RBMS2: variants seen among roughly 807,000 people sequenced by gnomAD.
RBMS2 encodes RNA-binding motif, single-stranded-interacting protein 2.
RBMS2 carries 38 observed loss-of-function variants against 58.4 expected under a neutral mutation model. That is an observed-to-expected ratio of 0.65 (90% CI 0.50 to 0.85). The LOEUF (loss-of-function observed/expected upper bound fraction) is 0.85, where lower values mean the gene tolerates loss of function less well. Ranked by LOEUF, RBMS2 falls within the 40% of genes least tolerant of loss-of-function variation. RBMS2 has a pLI of 0.00. For synonymous variants in RBMS2, 151 were observed against 180.7 expected, an observed-to-expected ratio of 0.84 and a Z score of 1.32; for missense variants, 367 against 503.7, an observed-to-expected ratio of 0.73 and a Z score of 2.60.
chr12:56,584,811 G>GA (rs1884461435), intron 9 of RBMS2, among the ~76,000 whole-genome samples: 1 of 149,252 alleles, frequency 6.7e-6, no homozygotes, highest in African/African-American at 2.5e-5. Flanking sequence ...AATAACTTTT[G>GA]AACTTCTTGT....
chr12:56,538,548 TCTC>T (rs1218543447), intron 1 of RBMS2, among the ~76,000 whole-genome samples: 2 of 145,528 alleles, frequency 1.4e-5, no homozygotes. Context: ...AGTGCAGTGA[TCTC>T]AGCTTACTGC....
rs539045900 is a variant in RBMS2, at chr12:56,575,084, G to A, written c.542+3229G>A. 3.9e-5 allele frequency among the ~76,000 whole-genome samples: 6 copies of A among 152,134 alleles called. No homozygotes were observed. In the South Asian group the frequency reaches 1.0e-3, roughly 26 times the overall value. ...GAATGGTGTGAACCCGGGAGGCGGAGCTTGCAGTGAGCCCAGATTGCACCA... is the reference window on the plus strand; with the variant it reads ...GAATGGTGTGAACCCGGGAGGCGGAACTTGCAGTGAGCCCAGATTGCACCA... On this transcript the variant is annotated intron_variant, in intron 5 of 13. Transcript: ENST00000262031.
At chr12:56,576,165 C>T (rs1883101385) in intron 5 of RBMS2, among the ~76,000 whole-genome samples, 1 of 151,866 alleles carries the variant, frequency 6.6e-6, no homozygotes, top group Non-Finnish European at 1.5e-5. Context: ...TGGTAAAACC[C>T]CATCTCCATT....
At position 56,562,405 on chromosome 12, in the gene RBMS2, G is replaced by T; in HGVS notation, c.67-12G>T. 6.3e-7 allele frequency: 1 copy of T among 1,593,926 alleles called. No individual in the cohort carries two copies. Among genetic ancestry groups the T allele is most frequent in the African/African-American group, 1.3e-5 (1 of 74,746 alleles). On this transcript the variant is annotated splice_polypyrimidine_tract_variant and intron_variant, in intron 1 of 13. Transcript: ENST00000262031. The stretch of plus-strand genomic sequence containing the variant: ...GATAATCCTTCTACCTCTTCCTCAT[G>T]TCTCCCTGCAGCCATATGTGTCATT...
chr12:56,577,628 C>A (rs987595190), intron 5 of RBMS2, among the ~76,000 whole-genome samples: 3 of 151,830 alleles, frequency 2.0e-5, no homozygotes, highest in African/African-American at 4.8e-5. Context: ...GCCCCCACCA[C>A]CATGCCCAGC....
At chr12:56,569,087 C>A in intron 3 of RBMS2, 54 bp downstream of exon 3, 1 of 1,473,254 alleles carries the variant, frequency 6.8e-7, no homozygotes, top group Non-Finnish European at 9.5e-7. Flanking sequence ...GAGGCCATCC[C>A]TTGACACTGC....
intron 1 of RBMS2, among the ~76,000 whole-genome samples, chr12:56,554,708 C>T (rs775687490): frequency 1.3e-5 from 2 of 151,988 alleles, no homozygotes; most frequent in Non-Finnish European, 2.9e-5. Flanking sequence ...ATAGCAAACT[C>T]GCACATGTAT....
chr12:56,562,069 A>G (rs1412979744), intron 1 of RBMS2, among the ~76,000 whole-genome samples: 1 of 152,152 alleles, frequency 6.6e-6, no homozygotes, highest in East Asian at 1.9e-4. Context: ...CGGCCTCCCA[A>G]AGTGCTGGGA....
intron 5 of RBMS2, chr12:56,580,416 A>G (rs1883783037): frequency 3.3e-6 from 1 of 305,984 alleles, no homozygotes; most frequent in Admixed American, 4.6e-5. Flanking sequence ...TATTTTTAGT[A>G]GAGATGGGGT....
chr12:56,557,312 AGCTTTACTT>A (rs1879409029), intron 1 of RBMS2, among the ~76,000 whole-genome samples: 1 of 152,174 alleles, frequency 6.6e-6, no homozygotes, highest in Non-Finnish European at 1.5e-5. Context: ...AAGCCAGATA[AGCTTTACTT>A]AGGGGCTTTC....
Position 56,596,116 on chromosome 12 carries a change from G to A in RBMS2, c.*6983G>A, listed in dbSNP as rs1197690594. ...AATAAATTTAAATTCACAAAAAACT[G>A]TACATTATCAAAAAGTCACTAAAAC... On this transcript the variant is annotated 3_prime_UTR_variant, in exon 14 of 14. Coordinates refer to ENST00000262031, the MANE Select transcript of RBMS2 (RefSeq NM_002898.4). The A allele has an allele frequency of 6.6e-6, 1 of 152,670 alleles. No individual in the cohort carries two copies. The highest frequency in any genetic ancestry group is 2.4e-5 in the African/African-American group (1 of 41,452). The allele number at this position is 152,670 out of a possible 1,614,324, so 9.5% of individuals were successfully genotyped here. A position where few individuals can be genotyped will look rare whatever the true frequency, so the allele number is the denominator to read the frequency against.
At chr12:56,553,798 A>G (rs1878732376) in intron 1 of RBMS2, among the ~76,000 whole-genome samples, 1 of 151,036 alleles carries the variant, frequency 6.6e-6, no homozygotes, top group South Asian at 2.1e-4. Context: ...CTTTTTTAAA[A>G]AAAGAATTCT....
At chr12:56,552,140 G>A (rs2136351885) in intron 1 of RBMS2, among the ~76,000 whole-genome samples, 1 of 152,332 alleles carries the variant, frequency 6.6e-6, no homozygotes, top group Non-Finnish European at 1.5e-5. Flanking sequence ...AAAAGCTAAT[G>A]TATTGCCTTA....
At chr12:56,525,679 C>G (rs1022763927) in intron 1 of RBMS2, among the ~76,000 whole-genome samples, 3 of 147,136 alleles carry the variant, frequency 2.0e-5, no homozygotes, top group African/African-American at 5.0e-5. Context: ...TGTTTGTTTT[C>G]GAGACAGAGT....
intron 9 of RBMS2, among the ~76,000 whole-genome samples, chr12:56,584,822 C>CTT (rs373639334): frequency 2.3e-4 from 30 of 129,992 alleles, no homozygotes; most frequent in African/African-American, 3.7e-4. Flanking sequence ...AACTTCTTGT[C>CTT]TTTTTTTTTT....
At chr12:56,530,333 A>G (rs1222749334) in intron 1 of RBMS2, among the ~76,000 whole-genome samples, 1 of 145,672 alleles carries the variant, frequency 6.9e-6, no homozygotes, top group Non-Finnish European at 1.5e-5. Flanking sequence ...TGCTGTCAAG[A>G]GAGAATTTTC....
At chr12:56,520,619 T>C (rs1871637310), upstream of RBMS2, among the ~76,000 whole-genome samples, 1 of 152,212 alleles carries the variant, frequency 6.6e-6, no homozygotes, top group African/African-American at 2.4e-5. Flanking sequence ...AAGACATTCT[T>C]TGGAAACTAG....
chr12:56,528,533 A>G (rs1329376015), intron 1 of RBMS2, among the ~76,000 whole-genome samples: 1 of 152,194 alleles, frequency 6.6e-6, no homozygotes, highest in Non-Finnish European at 1.5e-5. Context: ...ATGTTTATCC[A>G]CAGGCTCTAT....
intron 1 of RBMS2, among the ~76,000 whole-genome samples, chr12:56,556,063 A>G (rs1056620849): frequency 3.3e-5 from 5 of 149,634 alleles, no homozygotes; most frequent in Non-Finnish European, 7.4e-5. Context: ...AAAAAAAAGG[A>G]GAGAGGGAGT....
Sources: gnomAD v4.1 joint callset for allele counts (sites outside exome capture counted in the v4.1 genomes callset) on GRCh38, gnomAD v4.1.1 for gene constraint, MANE v1.5 for transcripts, NCBI Gene and HGNC (gene_info 2026-07-23, HGNC 2026-07-21) for gene names.